CELF2: variants seen among roughly 807,000 people sequenced by gnomAD.
CELF2 encodes CUGBP Elav-like family member 2.
Under a neutral mutation model 62.6 loss-of-function variants are expected in CELF2, and 8 were observed. The observed-to-expected ratio is 0.13, with a 90% confidence interval of 0.07 to 0.23. The LOEUF (loss-of-function observed/expected upper bound fraction) is 0.23, where lower values mean the gene tolerates loss of function less well. Among genes scored for constraint, CELF2 ranks in the 10% least tolerant of loss-of-function variants. The probability of loss-of-function intolerance (pLI) is 1.00; values close to 1 mark genes in which losing one functional copy is unlikely to be tolerated. For missense variants in CELF2, 333 were observed against 671.0 expected (o/e 0.50, Z 5.56); for synonymous variants, 258 against 250.0 (o/e 1.03, Z -0.30).
the CELF2 span, among the ~76,000 whole-genome samples, chr10:10,732,815 C>T: frequency 3.3e-5 from 5 of 152,274 alleles, no homozygotes; most frequent in African/African-American, 7.2e-5. Context: ...TGAGCCACCA[C>T]GCCCAGCCTC....
At chr10:10,852,855 T>G (rs2059469598) in intron 1 of CELF2, among the ~76,000 whole-genome samples, 1 of 152,210 alleles carries the variant, frequency 6.6e-6, no homozygotes, top group African/African-American at 2.4e-5. Context: ...TTTCAGAAGC[T>G]GAATTTGGAG....
the CELF2 span, among the ~76,000 whole-genome samples, chr10:10,672,265 A>G: frequency 1.3e-5 from 2 of 152,182 alleles, no homozygotes; most frequent in African/African-American, 4.8e-5. Context: ...AGCTCATCTA[A>G]TATTCCTTTC....
chr10:10,688,147 C>T, the CELF2 span, among the ~76,000 whole-genome samples: 1 of 152,130 alleles, frequency 6.6e-6, no homozygotes, highest in African/African-American at 2.4e-5. Context: ...AGGATTTTAC[C>T]TGCATTTCTT....
In CELF2 at chr10:11,330,742, TCTTA is replaced by T. The variant is rs1352469586; in HGVS notation, c.*1690_*1693del. 2.6e-5 allele frequency: 4 copies of T among 152,606 alleles called. No homozygotes were observed. The highest frequency in any genetic ancestry group is 5.9e-5 in the Non-Finnish European group (4 of 68,032). The allele number at this position is 152,606 out of a possible 1,614,324, so 9.5% of individuals were successfully genotyped here. A position where few individuals can be genotyped will look rare whatever the true frequency, so the allele number is the denominator to read the frequency against. ...AAAACCTGTGGCAAAAACGTTTCTT[TCTTA>T]TTTTTTTTCTTTTCCTAAAACAGAC... is the stretch of plus-strand genomic sequence containing the variant. On this transcript the variant is annotated 3_prime_UTR_variant, in exon 13 of 13. Transcript: ENST00000633077. This position sits in a 1 kb window ranked among gnomAD's most constrained non-coding sequence, Gnocchi z 4.5.
chr10:10,840,358 C>G (rs1797015532), intron 1 of CELF2, among the ~76,000 whole-genome samples: 1 of 152,198 alleles, frequency 6.6e-6, no homozygotes, highest in African/African-American at 2.4e-5. Context: ...GCTCCGCATC[C>G]TCACCAGCAA....
the CELF2 span, among the ~76,000 whole-genome samples, chr10:10,748,515 A>G: frequency 1.2e-4 from 19 of 152,100 alleles, no homozygotes; most frequent in Middle Eastern, 3.4e-3. Context: ...TTGGGAGGCT[A>G]AGGTGGGCGG....
chr10:10,704,015 C>T, the CELF2 span, among the ~76,000 whole-genome samples: 1 of 152,112 alleles, frequency 6.6e-6, no homozygotes, highest in African/African-American at 2.4e-5. Flanking sequence ...ATCCTTTTAC[C>T]TCTGTTTTTC....
intron 1 of CELF2, among the ~76,000 whole-genome samples, chr10:10,896,459 C>T (rs889996923): frequency 6.6e-6 from 1 of 151,980 alleles, no homozygotes; most frequent in African/African-American, 2.4e-5. Flanking sequence ...CGAATATGAC[C>T]TTATTTGGAA....
At chr10:10,623,172 T>A in the CELF2 span, among the ~76,000 whole-genome samples, 4 of 147,632 alleles carry the variant, frequency 2.7e-5, no homozygotes, top group African/African-American at 7.5e-5. Flanking sequence ...GTGGAATCTA[T>A]GCCCATGAAT....
At chr10:10,842,053 G>A (rs1274406334) in intron 1 of CELF2, among the ~76,000 whole-genome samples, 4 of 151,820 alleles carry the variant, frequency 2.6e-5, no homozygotes, top group Admixed American at 1.3e-4. Context: ...TTTCTGATGC[G>A]ATTGTAAATG....
the CELF2 span, among the ~76,000 whole-genome samples, chr10:10,481,167 A>C: frequency 6.6e-6 from 1 of 152,162 alleles, no homozygotes; most frequent in African/African-American, 2.4e-5. Flanking sequence ...TTGTATCCTT[A>C]TAGAGACTTT....
chr10:10,670,505 C>G, the CELF2 span, among the ~76,000 whole-genome samples: 1 of 152,128 alleles, frequency 6.6e-6, no homozygotes, highest in Non-Finnish European at 1.5e-5. Context: ...GATCCCTGCC[C>G]CCTGCCCCCA....
the CELF2 span, among the ~76,000 whole-genome samples, chr10:10,738,102 G>A: frequency 2.0e-4 from 31 of 152,206 alleles, no homozygotes; most frequent in African/African-American, 7.0e-4. Context: ...GACACTACAG[G>A]TCAAATTCCC....
At chr10:10,987,819 T>A (rs1387653370) in intron 2 of CELF2, among the ~76,000 whole-genome samples, 1 of 152,054 alleles carries the variant, frequency 6.6e-6, no homozygotes. Context: ...TAGACAATTC[T>A]CAAAAGAAGA....
intron 1 of CELF2, among the ~76,000 whole-genome samples, chr10:10,839,313 A>G (rs557236836): frequency 6.6e-6 from 1 of 152,182 alleles, no homozygotes; most frequent in African/African-American, 2.4e-5. Context: ...GTAACCCTCT[A>G]TATAAATAGT....
chr10:10,572,096 A>T, the CELF2 span, among the ~76,000 whole-genome samples: 1 of 152,164 alleles, frequency 6.6e-6, no homozygotes, highest in Non-Finnish European at 1.5e-5. Context: ...TAATGGCAAC[A>T]CGTATGGTAT....
chr10:10,861,167 C>T (rs554449062), intron 1 of CELF2, among the ~76,000 whole-genome samples: 1 of 152,148 alleles, frequency 6.6e-6, no homozygotes, highest in South Asian at 2.1e-4. Flanking sequence ...TCACTGTAAC[C>T]TCTGCCTTGG....
At chr10:11,166,681 A>T (rs1232066434) in intron 2 of CELF2, among the ~76,000 whole-genome samples, 2 of 151,762 alleles carry the variant, frequency 1.3e-5, no homozygotes, top group African/African-American at 4.8e-5. Flanking sequence ...ATGTTATTTT[A>T]TTTCTATATT....
At chr10:10,894,868 C>G (rs960000328) in intron 1 of CELF2, among the ~76,000 whole-genome samples, 2 of 152,142 alleles carry the variant, frequency 1.3e-5, no homozygotes, top group African/African-American at 4.8e-5. Context: ...AAATGTCTGT[C>G]CATTTAAAAA....
Sources: gnomAD v4.1 joint callset for allele counts (sites outside exome capture counted in the v4.1 genomes callset) on GRCh38, gnomAD v4.1.1 for gene constraint, Gnocchi (gnomAD v3.1) non-coding constraint, MANE v1.5 for transcripts, NCBI Gene and HGNC (gene_info 2026-07-23, HGNC 2026-07-21) for gene names.